The following RGS14 variants were observed in gnomAD, a reference collection of about 807,000 sequenced individuals.
The protein encoded by RGS14 is regulator of G protein signaling 14, also known as regulator of G-protein signaling 14.
In RGS14, 33 loss-of-function variants were observed where a neutral mutation model predicts 63.8. That is an observed-to-expected ratio of 0.52 (90% CI 0.39 to 0.69). RGS14 has a LOEUF of 0.69. Ranked by LOEUF, RGS14 falls within the 30% of genes least tolerant of loss-of-function variation. The probability of loss-of-function intolerance (pLI) is 0.00; values close to 1 mark genes in which losing one functional copy is unlikely to be tolerated. For missense variants in RGS14, 739 were observed against 742.9 expected (o/e 0.99, Z 0.06); for synonymous variants, 296 against 320.9 (o/e 0.92, Z 0.83).
rs754607110 is a variant in RGS14, at chr5:177,370,954, A to T, written c.1177A>T (p.Thr393Ser). 1.9e-6 allele frequency: 3 copies of T among 1,608,024 alleles called. No individual in the cohort carries two copies. Among genetic ancestry groups the T allele is most frequent in the South Asian group, 1.1e-5 (1 of 91,002 alleles). Residue 393 changes from threonine to serine, a missense_variant, in exon 11 of 15, where the codon ACC (threonine) becomes TCC (serine). Physicochemically the swap from Thr to Ser is moderately conservative, Grantham distance 58. Coordinates refer to ENST00000408923, the MANE Select transcript of RGS14 (RefSeq NM_006480.5). ...CGTGGTACGAATCTCAGCCAAGCCCACCAAGCGGCTGCAGGAGGCGCTGCA... is the reference window on the plus strand; with the variant it reads ...CGTGGTACGAATCTCAGCCAAGCCCTCCAAGCGGCTGCAGGAGGCGCTGCA... The part of the protein sequence containing the change: ...ERVVRISAKP[T>S]KRLQEALQPI...
chr5:177,371,179 G>A lies in RGS14; in HGVS notation c.1269G>A (p.Gln423=). The change falls in exon 12 of 15, where the codon CAG becomes CAA. Residue 423 remains glutamine, a synonymous_variant. Coordinates refer to ENST00000408923, the MANE Select transcript of RGS14 (RefSeq NM_006480.5). The surrounding 1 kb of genome is among the most constrained non-coding windows in gnomAD (Gnocchi z 6.1). The part of the protein sequence containing the change: ...EVVLHRPGEK[Q]PLDLGKLVSS... ...TCTCCCCACAGCCAGGCGAGAAACA[G>A]CCTCTGGATCTGGGGAAGCTAGTGA... is the stretch of plus-strand genomic sequence containing the variant. 1 of 1,613,142 alleles carries A rather than the reference G, an allele frequency of 6.2e-7. No homozygotes were observed. Among genetic ancestry groups the A allele is most frequent in the Non-Finnish European group, 8.5e-7 (1 of 1,179,756 alleles).
chr5:177,360,742 T>C (rs189802672), intron 1 of RGS14, among the ~76,000 whole-genome samples: 2 of 151,988 alleles, frequency 1.3e-5, no homozygotes, highest in Admixed American at 1.3e-4. Context: ...TGAAACCCCT[T>C]CTCTACTAAA....
rs535128704 is a variant in RGS14, at chr5:177,358,999, G to A, written c.45+930G>A. Among the ~76,000 whole-genome samples, 31 of 152,224 alleles carry A rather than the reference G, an allele frequency of 2.0e-4. No individual in the cohort carries two copies. Among genetic ancestry groups the A allele is most frequent in the Non-Finnish European group, 4.0e-4 (27 of 68,036 alleles). On this transcript the variant is annotated intron_variant, in intron 1 of 14. Transcript: ENST00000408923. The surrounding 1 kb of genome is among the most constrained non-coding windows in gnomAD (Gnocchi z 4.8). ...AGTTTCCTCATCCCTAAAATGAGGA[G>A]GTTGGAATGAATTTCAAGGCTTGTT...
Position 177,367,098 on chromosome 5 carries a change from C to T in RGS14, c.483+64C>T. ...AAAAGGAGCAGGGGCGGGGTCGGAC[C>T]CTGGCGGGGAGTCTGAACTACAAAG... is the stretch of plus-strand genomic sequence containing the variant. On this transcript the variant is annotated intron_variant, in intron 5 of 14. Transcript: ENST00000408923. 2.6e-6 allele frequency: 4 copies of T among 1,541,440 alleles called. No individual in the cohort carries two copies. The South Asian group carries it at 3.7e-5, about 14-fold the overall frequency.
chr5:177,370,088 C>G (rs1411738804), intron 9 of RGS14, among the ~76,000 whole-genome samples: 2 of 152,196 alleles, frequency 1.3e-5, no homozygotes, highest in African/African-American at 2.4e-5. Flanking sequence ...AATGAGGAAA[C>G]AAGAAGTGTC....
chr5:177,368,910 G>T lies in RGS14; in HGVS notation c.1043G>T (p.Gly348Val). The T allele has an allele frequency of 1.2e-6, 2 of 1,614,072 alleles. No individual in the cohort carries two copies. The highest frequency in any genetic ancestry group is 8.5e-7 in the Non-Finnish European group (1 of 1,179,938). The change falls in exon 9 of 15, where the codon GGC becomes GTC. Residue 348 changes from glycine to valine, a missense_variant. By Grantham distance (109) the Gly-to-Val change is moderately radical. Coordinates refer to ENST00000408923, the MANE Select transcript of RGS14 (RefSeq NM_006480.5). Reference sequence around the variant, plus strand: ...CCTGACATCAAGGTCTACCTGGTGGGCAATGAACAGGTGGGAACGTGACCT... The same window carrying T: ...CCTGACATCAAGGTCTACCTGGTGGTCAATGAACAGGTGGGAACGTGACCT... ...SLPDIKVYLVGNEQALVLDQD... is the reference protein window; with the variant it reads ...SLPDIKVYLVVNEQALVLDQD...
At chr5:177,368,343 C>G in intron 8 of RGS14, 77 bp downstream of exon 8, 1 of 1,433,696 alleles carries the variant, frequency 7.0e-7, no homozygotes, top group Non-Finnish European at 9.4e-7. Flanking sequence ...TGGTGGCCCT[C>G]ATTCCAAGTT....
intron 1 of RGS14, among the ~76,000 whole-genome samples, chr5:177,365,212 G>A (rs541521950): frequency 6.6e-6 from 1 of 152,220 alleles, no homozygotes; most frequent in African/African-American, 2.4e-5. Context: ...CTTTTATTGA[G>A]ACGGAGCTTT....
At position 177,368,151 on chromosome 5, in the gene RGS14, C is replaced by G. The variant is rs913040266; in HGVS notation, c.740-6C>G. 14 of 1,612,374 alleles carry G rather than the reference C, an allele frequency of 8.7e-6. No homozygotes were observed. The highest frequency in any genetic ancestry group is 1.1e-5 in the Non-Finnish European group (13 of 1,179,608). ...CTGTTCGCGTTCATCGCTCCCTCTT[C>G]ACTAGAGCTGGGCGGGACTGCAAAC... On this transcript the variant is annotated splice_polypyrimidine_tract_variant and splice_region_variant and intron_variant, in intron 7 of 14. Transcript: ENST00000408923.
intron 10 of RGS14, 82 bp downstream of exon 10, chr5:177,370,746 C>G (rs1208545364): frequency 1.2e-5 from 19 of 1,544,386 alleles, no homozygotes; most frequent in Non-Finnish European, 1.6e-5. Flanking sequence ...CTCCCCAGGC[C>G]CCGCCCCTCG....
rs920205139 is a variant in RGS14, at chr5:177,364,621, G to A, written c.46-1342G>A. Among the ~76,000 whole-genome samples, 8 of 152,188 alleles carry A rather than the reference G, an allele frequency of 5.3e-5. No individual in the cohort carries two copies. The highest frequency in any genetic ancestry group is 1.0e-4 in the Non-Finnish European group (7 of 68,032). On this transcript the variant is annotated intron_variant, in intron 1 of 14. Transcript: ENST00000408923. The surrounding 1 kb of genome is among the most constrained non-coding windows in gnomAD (Gnocchi z 4.6). ...GTGTGTCTGGAGCTGTGGATCTGTG[G>A]ATGGGACAAAGTGCCCAGGACAGAG...
At chr5:177,367,607 C>G (rs1238848542) in intron 6 of RGS14, 50 bp downstream of exon 6, 1 of 1,582,196 alleles carries the variant, frequency 6.3e-7, no homozygotes, top group Non-Finnish European at 8.6e-7. Context: ...TCCTGCGGAC[C>G]GCGTGCAAGA....
intron 1 of RGS14, among the ~76,000 whole-genome samples, chr5:177,361,283 C>G (rs1242786194): frequency 6.6e-6 from 1 of 152,206 alleles, no homozygotes; most frequent in African/African-American, 2.4e-5. Flanking sequence ...CAGGGTCTTG[C>G]AGCCCCTCAA....
chr5:177,365,490 A>G (rs6556313), intron 1 of RGS14, among the ~76,000 whole-genome samples: 61,421 of 152,030 alleles, frequency 0.4, 13,311 homozygotes, highest in African/African-American at 0.56. Context: ...GGCGTGAGCC[A>G]CCGTGTCCAG....
chr5:177,366,382 G>A (rs1261533986), intron 3 of RGS14, 27 bp downstream of exon 3: 10 of 1,518,058 alleles, frequency 6.6e-6, no homozygotes, highest in Non-Finnish European at 8.0e-6. Context: ...GAAAGGGAAG[G>A]GGGGACACGG....
In RGS14 at chr5:177,358,831, A is replaced by G. The variant is rs899113045; in HGVS notation, c.45+762A>G. Reference sequence around the variant, plus strand: ...CCCTCACTTGGAAGAGTCCCTCTTAACAACCTCAGGAAGGCCAGTGTCCTG... The same window carrying G: ...CCCTCACTTGGAAGAGTCCCTCTTAGCAACCTCAGGAAGGCCAGTGTCCTG... On this transcript the variant is annotated intron_variant, in intron 1 of 14. Coordinates refer to ENST00000408923, the MANE Select transcript of RGS14 (RefSeq NM_006480.5). The surrounding 1 kb of genome is among the most constrained non-coding windows in gnomAD (Gnocchi z 4.8). Among the ~76,000 whole-genome samples the G allele has an allele frequency of 5.9e-5, 9 of 152,246 alleles. No homozygotes were observed. The highest frequency in any genetic ancestry group is 4.1e-4 in the South Asian group (2 of 4,826).
At chr5:177,370,566 A>G in intron 9 of RGS14, 25 bp from the exon 10 acceptor site, 1 of 1,611,232 alleles carries the variant, frequency 6.2e-7, no homozygotes, top group Non-Finnish European at 8.5e-7. Context: ...AGGGACTCTT[A>G]GACCCTGCCT....
chr5:177,372,091 C>T lies in RGS14; in HGVS notation c.*16C>T, dbSNP rs1159982731. On this transcript the variant is annotated 3_prime_UTR_variant, in exon 15 of 15. Coordinates refer to ENST00000408923, the MANE Select transcript of RGS14 (RefSeq NM_006480.5). ...AGCCCTCTGACAGCTACCCAACAGT[C>T]CAGGACAGCTGCATGGCACCCGGCG... 6.2e-7 allele frequency: 1 copy of T among 1,609,598 alleles called. No homozygotes were observed. Among genetic ancestry groups the T allele is most frequent in the African/African-American group, 1.3e-5 (1 of 74,856 alleles).
chr5:177,360,637 G>A (rs1441990698), intron 1 of RGS14, among the ~76,000 whole-genome samples: 1 of 150,874 alleles, frequency 6.6e-6, no homozygotes. Context: ...AGAGGAGGCA[G>A]GCACAGTTGC....
Sources: allele counts gnomAD v4.1 joint callset (sites outside exome capture counted in the v4.1 genomes callset), GRCh38; gene constraint gnomAD v4.1.1; non-coding constraint Gnocchi (gnomAD v3.1); transcripts MANE v1.5; gene names NCBI Gene and HGNC (gene_info 2026-07-23, HGNC 2026-07-21).